PIEZO2: variants seen among roughly 807,000 people sequenced by gnomAD.
PIEZO2 encodes piezo-type mechanosensitive ion channel component 2.
In PIEZO2, 172 loss-of-function variants were observed where a neutral mutation model predicts 337.3. The observed-to-expected ratio is 0.51, with a 90% CI of 0.45 to 0.58. The LOEUF (loss-of-function observed/expected upper bound fraction) is 0.58. Among genes scored for constraint, PIEZO2 ranks in the 20% least tolerant of loss-of-function variants. The probability of loss-of-function intolerance (pLI) is 0.00; values close to 1 mark genes in which losing one functional copy is unlikely to be tolerated. For synonymous variants in PIEZO2, 1,251 were observed against 1,228.5 expected (o/e 1.02, Z -0.38); for missense variants, 3,028 against 3,391.3 (o/e 0.89, Z 2.66).
chr18:10,812,316 A>G (rs1275109688), intron 7 of PIEZO2, among the ~76,000 whole-genome samples: 1 of 152,140 alleles, frequency 6.6e-6, no homozygotes, highest in Non-Finnish European at 1.5e-5. Flanking sequence ...TGTAAGTGGG[A>G]GTTAAACACT....
At chr18:10,960,503 C>T (rs968147506) in intron 3 of PIEZO2, among the ~76,000 whole-genome samples, 1 of 150,464 alleles carries the variant, frequency 6.6e-6, no homozygotes, top group Non-Finnish European at 1.5e-5. Context: ...ACACCTTAGG[C>T]AACATTAAGA....
Position 10,784,015 on chromosome 18 carries a change from C to T in PIEZO2, c.2492+769G>A, listed in dbSNP as rs1277784131. Reference sequence around the variant, plus strand: ...CTCCTCTCAATACAGCCCTTTGCTCCCTTAGCTGCTTAACAAGTATTTTTC... The same window carrying T: ...CTCCTCTCAATACAGCCCTTTGCTCTCTTAGCTGCTTAACAAGTATTTTTC... On this transcript the variant is annotated intron_variant, in intron 17 of 55. Coordinates refer to ENST00000674853, the MANE Select transcript of PIEZO2 (RefSeq NM_001378183.1). This position sits in a 1 kb window ranked among gnomAD's most constrained non-coding sequence, Gnocchi z 4.5. 6.6e-6 allele frequency among the ~76,000 whole-genome samples: 1 copy of T among 152,138 alleles called. No homozygotes were observed. The highest frequency in any genetic ancestry group is 1.5e-5 in the Non-Finnish European group (1 of 68,026).
At chr18:10,964,481 TA>T (rs916788296) in intron 3 of PIEZO2, among the ~76,000 whole-genome samples, 87 of 152,342 alleles carry the variant, frequency 5.7e-4, no homozygotes, top group Non-Finnish European at 1.1e-3. Context: ...TCACTATTTT[TA>T]AAAAAGCATT....
intron 47 of PIEZO2, 144 bp from the exon 48 acceptor site, chr18:10,691,527 G>T: frequency 2.4e-6 from 2 of 827,014 alleles, no homozygotes; most frequent in South Asian, 2.1e-5. Context: ...ACACATAGTG[G>T]ATCACTTCAA....
intron 2 of PIEZO2, among the ~76,000 whole-genome samples, chr18:11,052,515 C>T (rs185602912): frequency 7.2e-5 from 11 of 152,214 alleles, no homozygotes; most frequent in Admixed American, 5.9e-4. Context: ...TTATACTAGT[C>T]TTTTTTTAAA....
rs182123169 is a variant in PIEZO2 at position 11,020,575 on chromosome 18, T to C, written c.161-40915A>G. 5.9e-5 allele frequency among the ~76,000 whole-genome samples: 9 copies of C among 152,346 alleles called. No individual in the cohort carries two copies. In the East Asian group the frequency reaches 1.7e-3, roughly 29 times the overall value. On this transcript the variant is annotated intron_variant, in intron 2 of 55. Coordinates refer to ENST00000674853, the MANE Select transcript of PIEZO2 (RefSeq NM_001378183.1). Reference sequence around the variant, plus strand: ...GCTCTTGGGGCTGTGGACAAGATCATAGCAGCCAACTACTGTCTAAACTCC... The same window carrying C: ...GCTCTTGGGGCTGTGGACAAGATCACAGCAGCCAACTACTGTCTAAACTCC...
intron 49 of PIEZO2, among the ~76,000 whole-genome samples, chr18:10,685,533 C>G (rs1423563081): frequency 6.6e-6 from 1 of 152,190 alleles, no homozygotes; most frequent in African/African-American, 2.4e-5. Context: ...AGCCTTCCCT[C>G]ATTGGGAGGC....
At chr18:10,717,677 A>C (rs2036070656) in intron 37 of PIEZO2, among the ~76,000 whole-genome samples, 1 of 152,234 alleles carries the variant, frequency 6.6e-6, no homozygotes, top group South Asian at 2.1e-4. Flanking sequence ...GGCAGTTAGA[A>C]GACAAGGGTT....
intron 35 of PIEZO2, among the ~76,000 whole-genome samples, chr18:10,733,448 A>ATTTT (rs34583213): frequency 0.021 from 2,630 of 128,242 alleles, 109 homozygotes; most frequent in East Asian, 0.13. Context: ...AAACTTCCCA[A>ATTTT]TTTTTTTTTT....
chr18:10,901,900 T>C (rs140646911), intron 4 of PIEZO2, among the ~76,000 whole-genome samples: 3 of 151,348 alleles, frequency 2.0e-5, no homozygotes, highest in Admixed American at 6.6e-5. Flanking sequence ...TGTCTCAGTG[T>C]CAACATATGC....
At chr18:10,922,200 A>G (rs1170222200) in intron 3 of PIEZO2, among the ~76,000 whole-genome samples, 3 of 152,112 alleles carry the variant, frequency 2.0e-5, no homozygotes, top group African/African-American at 7.2e-5. Flanking sequence ...CTTGTGGGGC[A>G]TCACAGAATC....
chr18:10,845,254 T>C (rs1382740992), intron 7 of PIEZO2, among the ~76,000 whole-genome samples: 3 of 152,016 alleles, frequency 2.0e-5, no homozygotes, highest in Admixed American at 6.6e-5. Context: ...TTAAGGAACA[T>C]GTTTTGTTTC....
chr18:10,710,097 T>C (rs912378933), intron 39 of PIEZO2, among the ~76,000 whole-genome samples: 2 of 152,264 alleles, frequency 1.3e-5, no homozygotes, highest in African/African-American at 4.8e-5. Context: ...TTTCATTTAA[T>C]ATTTGCAGAG....
intron 36 of PIEZO2, among the ~76,000 whole-genome samples, chr18:10,723,109 A>G (rs2036391904): frequency 6.6e-6 from 1 of 151,988 alleles, no homozygotes; most frequent in South Asian, 2.1e-4. Flanking sequence ...CTGGGATTAC[A>G]GGCATGGACC....
rs575820415 is a variant in PIEZO2 at position 10,872,418 on chromosome 18, G to A, written c.330-1003C>T. Among the ~76,000 whole-genome samples, 15 of 152,344 alleles carry A rather than the reference G, an allele frequency of 9.8e-5. No homozygotes were observed. The highest frequency in any genetic ancestry group is 3.6e-4 in the African/African-American group (15 of 41,586). On this transcript the variant is annotated intron_variant, in intron 4 of 55. Coordinates refer to ENST00000674853, the MANE Select transcript of PIEZO2 (RefSeq NM_001378183.1). The surrounding 1 kb of genome is among the most constrained non-coding windows in gnomAD (Gnocchi z 4.3). ...CATCTGTGATTTTGGGAGGCGTCCA[G>A]TGGTAATGAATATGGGAATGAGAGG... is the stretch of plus-strand genomic sequence containing the variant.
intron 1 of PIEZO2, among the ~76,000 whole-genome samples, chr18:11,106,566 T>C (rs2039574661): frequency 6.6e-6 from 1 of 151,632 alleles, no homozygotes; most frequent in South Asian, 2.1e-4. Flanking sequence ...CACACCACCA[T>C]ACCAGGATAT....
At position 10,767,532 on chromosome 18, in the gene PIEZO2, C is replaced by T. The variant is rs1356712826; in HGVS notation, c.2946+2616G>A. ...GTGGGGATGCAGGGAGGAGAACGTC[C>T]TCTGCGCGCAGCCCGAGTGAGGAGC... On this transcript the variant is annotated intron_variant, in intron 21 of 55. Transcript: ENST00000674853. The surrounding 1 kb of genome is among the most constrained non-coding windows in gnomAD (Gnocchi z 4.2). Among the ~76,000 whole-genome samples the T allele has an allele frequency of 6.6e-6, 1 of 152,104 alleles. No individual in the cohort carries two copies. Among genetic ancestry groups the T allele is most frequent in the African/African-American group, 2.4e-5 (1 of 41,428 alleles).
At chr18:11,057,875 T>G (rs2037788074) in intron 2 of PIEZO2, among the ~76,000 whole-genome samples, 1 of 152,238 alleles carries the variant, frequency 6.6e-6, no homozygotes, top group Non-Finnish European at 1.5e-5. Context: ...ATCTAACTGC[T>G]GATCATCTTC....
intron 42 of PIEZO2, among the ~76,000 whole-genome samples, chr18:10,703,980 G>A (rs1048949711): frequency 5.3e-5 from 8 of 152,154 alleles, no homozygotes; most frequent in African/African-American, 1.4e-4. Flanking sequence ...CTGAACCCCC[G>A]GTGGCGCCAG....
Sources: allele counts gnomAD v4.1 joint callset (sites outside exome capture counted in the v4.1 genomes callset), GRCh38; gene constraint gnomAD v4.1.1; non-coding constraint Gnocchi (gnomAD v3.1); transcripts MANE v1.5; gene names NCBI Gene and HGNC (gene_info 2026-07-23, HGNC 2026-07-21).